Variants in LRIG1 observed in about 807,000 individuals in gnomAD.
The protein encoded by LRIG1 is leucine-rich repeats and immunoglobulin-like domains protein 1.
LRIG1 carries 48 observed loss-of-function variants against 99.2 expected under a neutral mutation model. The ratio of observed to expected loss-of-function variants is 0.48; its 90% CI spans 0.38 to 0.62. The LOEUF (loss-of-function observed/expected upper bound fraction) is 0.62, where lower values mean the gene tolerates loss of function less well. Ranked by LOEUF, LRIG1 falls within the 20% of genes least tolerant of loss-of-function variation. LRIG1 has a pLI of 0.00. For missense variants in LRIG1, 1,646 were observed against 1,434.4 expected, an observed-to-expected ratio of 1.15 and a Z score of -2.38; for synonymous variants, 772 against 596.1, an observed-to-expected ratio of 1.29 and a Z score of -4.30.
At chr3:66,483,143 A>C (rs1412546475) in intron 1 of LRIG1, among the ~76,000 whole-genome samples, 1 of 152,020 alleles carries the variant, frequency 6.6e-6, no homozygotes, top group African/African-American at 2.4e-5. Flanking sequence ...CTACAGCATC[A>C]CAGTCCAAGA....
rs1452538950 is a variant in LRIG1, at chr3:66,500,307, G to T, written c.101C>A (p.Ala34Glu). 3 of 1,476,074 alleles carry T rather than the reference G, an allele frequency of 2.0e-6. No individual in the cohort carries two copies. The highest frequency in any genetic ancestry group is 2.7e-6 in the Non-Finnish European group (3 of 1,117,722). The allele number at this position is 1,476,074 out of a possible 1,614,324, so 91.4% of individuals were successfully genotyped here. The change falls in exon 1 of 19, where the codon GCG becomes GAG. Residue 34 changes from alanine (A) to glutamate (E), a missense_variant. By Grantham distance (107) the Ala-to-Glu change is moderately radical. Coordinates refer to ENST00000273261, the MANE Select transcript of LRIG1 (RefSeq NM_015541.3). ...CGCGCAGGGCGCCCGCGGGCCGGCCGCGGCGGTCACCGGCTCCAGCCGAAG... is the reference window on the plus strand; with the variant it reads ...CGCGCAGGGCGCCCGCGGGCCGGCCTCGGCGGTCACCGGCTCCAGCCGAAG... ...LLLRLEPVTAAAGPRAPCAAA... is the reference protein window; with the variant it reads ...LLLRLEPVTAEAGPRAPCAAA...
chr3:66,407,611 A>G, intron 7 of LRIG1, 120 bp from the exon 8 acceptor site: 2 of 1,058,600 alleles, frequency 1.9e-6, no homozygotes, highest in South Asian at 3.0e-5. Context: ...ATGCACACGC[A>G]CGCGCGTGCG....
intron 1 of LRIG1, among the ~76,000 whole-genome samples, chr3:66,470,879 T>G (rs1700580734): frequency 6.6e-6 from 1 of 151,324 alleles, no homozygotes; most frequent in African/African-American, 2.4e-5. Context: ...TAATGGGTTT[T>G]GTTTTGTTTT....
intron 1 of LRIG1, among the ~76,000 whole-genome samples, chr3:66,470,736 C>T (rs1700577730): frequency 6.6e-6 from 1 of 152,108 alleles, no homozygotes; most frequent in Non-Finnish European, 1.5e-5. Context: ...AATCAAGAGG[C>T]CCAATTTGTT....
chr3:66,406,861 G>C (rs546646050), intron 8 of LRIG1, among the ~76,000 whole-genome samples: 1 of 152,158 alleles, frequency 6.6e-6, no homozygotes, highest in African/African-American at 2.4e-5. Context: ...GAGGCATCTT[G>C]GTACAGGTTA....
At chr3:66,447,276 T>C (rs888675972) in intron 3 of LRIG1, among the ~76,000 whole-genome samples, 3 of 152,226 alleles carry the variant, frequency 2.0e-5, no homozygotes, top group African/African-American at 4.8e-5. Flanking sequence ...TTATTGGCTA[T>C]AGTCACCCTG....
chr3:66,498,366 A>C (rs1701275214), intron 1 of LRIG1: 1 of 152,128 alleles, frequency 6.6e-6, no homozygotes. Context: ...TTTGCTCCAA[A>C]AATTAAAGGG....
intron 13 of LRIG1, among the ~76,000 whole-genome samples, chr3:66,384,831 A>C (rs1427661045): frequency 6.6e-6 from 1 of 152,192 alleles, no homozygotes; most frequent in African/African-American, 2.4e-5. Flanking sequence ...CTAAAGATCG[A>C]TGTCCTGACA....
intron 1 of LRIG1, among the ~76,000 whole-genome samples, chr3:66,492,845 C>T (rs1006316097): frequency 2.0e-5 from 3 of 152,142 alleles, no homozygotes; most frequent in South Asian, 2.1e-4. Flanking sequence ...TGGCCGTTCA[C>T]GTGGGCAAGG....
At chr3:66,398,402 C>T (rs1701935342) in intron 10 of LRIG1, among the ~76,000 whole-genome samples, 1 of 152,226 alleles carries the variant, frequency 6.6e-6, no homozygotes, top group South Asian at 2.1e-4. Flanking sequence ...CTGAGGCCTG[C>T]TCAGCAAGGC....
intron 9 of LRIG1, among the ~76,000 whole-genome samples, chr3:66,403,050 A>G (rs953900749): frequency 6.6e-6 from 1 of 152,104 alleles, no homozygotes; most frequent in Non-Finnish European, 1.5e-5. Context: ...TTCCCTTTCA[A>G]TGTGGAAATT....
At chr3:66,444,320 AC>A (rs1703646289) in intron 3 of LRIG1, among the ~76,000 whole-genome samples, 1 of 152,108 alleles carries the variant, frequency 6.6e-6, no homozygotes, top group African/African-American at 2.4e-5. Context: ...TGGGCCTCCA[AC>A]CCTGAGCCAC....
Position 66,380,859 on chromosome 3 carries a change from G to C in LRIG1, c.2773C>G (p.His925Asp). The change falls in exon 18 of 19, where the codon CAC becomes GAC. Residue 925 changes from histidine (H) to aspartate (D), a missense_variant and splice_region_variant. His to Asp is a moderately conservative substitution (Grantham distance 81, BLOSUM62 -1). Coordinates refer to ENST00000273261, the MANE Select transcript of LRIG1 (RefSeq NM_015541.3). ...EGTPGPHKME[H>D]GGRVVCSDCN... ...TCACTGCATACGACCCGGCCACCGT[G>C]TTCTGAAGGACAGCGCCAAAGATGG... 2 of 1,613,576 alleles carry C rather than the reference G, an allele frequency of 1.2e-6. No individual in the cohort carries two copies. Among genetic ancestry groups the C allele is most frequent in the Non-Finnish European group, 1.7e-6 (2 of 1,179,506 alleles).
Position 66,380,395 on chromosome 3 carries a change from C to G in LRIG1, c.3150G>C (p.Ala1050=). The G allele has an allele frequency of 6.2e-7, 1 of 1,609,532 alleles. No individual in the cohort carries two copies. The highest frequency in any genetic ancestry group is 2.2e-5 in the East Asian group (1 of 44,878). The change falls in exon 19 of 19, where the codon GCG becomes GCC. Residue 1050 remains alanine, a synonymous_variant. Coordinates refer to ENST00000273261, the MANE Select transcript of LRIG1 (RefSeq NM_015541.3). ...TGGAAACAAGCAAGTACTGGGCTTC[C>G]GCGCGCTCTGGACTGCCTGAAGTTA... The part of the protein sequence containing the change: ...SSLTSGSPER[A]EAQYLLVSNG...
chr3:66,430,190 CA>C (rs34125530), intron 3 of LRIG1, among the ~76,000 whole-genome samples: 28,743 of 127,402 alleles, frequency 0.23, 2,799 homozygotes, highest in Admixed American at 0.31. Flanking sequence ...ACAACAACAA[CA>C]AAAAAAAAAC....
At chr3:66,468,942 G>A (rs951018072) in intron 1 of LRIG1, 2 of 152,170 alleles carry the variant, frequency 1.3e-5, no homozygotes, top group Non-Finnish European at 2.9e-5. Context: ...TTATAAAAGA[G>A]AATAAGACTT....
chr3:66,490,886 G>A (rs1342718212), intron 1 of LRIG1, among the ~76,000 whole-genome samples: 2 of 152,144 alleles, frequency 1.3e-5, no homozygotes, highest in African/African-American at 4.8e-5. Context: ...GGAATTTGGA[G>A]GACTAGTAAT....
chr3:66,413,163 C>A, intron 5 of LRIG1, 149 bp from the exon 6 acceptor site: 1 of 838,892 alleles, frequency 1.2e-6, no homozygotes, highest in Non-Finnish European at 1.9e-6. Flanking sequence ...GGGGAGCCCA[C>A]CATGTGTCTC....
Position 66,383,368 on chromosome 3 carries a change from C to G in LRIG1, c.2105G>C (p.Arg702Pro), listed in dbSNP as rs1358125682. 1.3e-6 allele frequency: 2 copies of G among 1,574,924 alleles called. No individual in the cohort carries two copies. The highest frequency in any genetic ancestry group is 4.5e-5 in the East Asian group (2 of 44,326). Residue 702 changes from arginine (R) to proline (P), a missense_variant, in exon 15 of 19, where the codon CGT becomes CCT. Coordinates refer to ENST00000273261, the MANE Select transcript of LRIG1 (RefSeq NM_015541.3). ...TPSLVVPLED[R>P]VVSVGETVAL... Reference sequence around the variant, plus strand: ...CACTGTTTCTCCCACAGATACCACACGGTCTTCCAAGGGGACCACCAAGGA... The same window carrying G: ...CACTGTTTCTCCCACAGATACCACAGGGTCTTCCAAGGGGACCACCAAGGA...
Sources: allele counts gnomAD v4.1 joint callset (sites outside exome capture counted in the v4.1 genomes callset), GRCh38; gene constraint gnomAD v4.1.1; transcripts MANE v1.5; gene names NCBI Gene and HGNC (gene_info 2026-07-23, HGNC 2026-07-21).